The following PCNX1 variants were observed in gnomAD, a reference collection of about 807,000 sequenced individuals.
The protein encoded by PCNX1 is pecanex 1.
A neutral mutation model predicts 242.2 loss-of-function variants in PCNX1; 78 were observed. The ratio of observed to expected loss-of-function variants is 0.32; its 90% CI spans 0.27 to 0.39. The LOEUF is 0.39. PCNX1 is among the 10% of genes least tolerant of loss of function. PCNX1 has a pLI of 1.00. For missense variants in PCNX1, 2,581 were observed against 2,856.5 expected (o/e 0.90, Z 2.20); for synonymous variants, 1,024 against 1,032.9 (o/e 0.99, Z 0.17).
At chr14:71,028,626 G>A (rs938369882) in intron 15 of PCNX1, 74 bp from the exon 16 acceptor site, 3 of 823,436 alleles carry the variant, frequency 3.6e-6, no homozygotes, top group African/African-American at 3.6e-5. Context: ...TATTTTAAAT[G>A]CTTTTCAGTG....
chr14:70,950,819 A>G (rs984054884), intron 2 of PCNX1, among the ~76,000 whole-genome samples: 4 of 150,982 alleles, frequency 2.6e-5, no homozygotes, highest in Middle Eastern at 3.4e-3. Flanking sequence ...TTTTTTTGCT[A>G]TTGATTTTGG....
At chr14:71,068,707 ATATG>A (rs1324679043) in intron 26 of PCNX1, among the ~76,000 whole-genome samples, 1 of 136,798 alleles carries the variant, frequency 7.3e-6, no homozygotes, top group African/African-American at 2.9e-5. Context: ...ATACATGCAT[ATATG>A]TATGTATATA....
intron 8 of PCNX1, among the ~76,000 whole-genome samples, chr14:70,997,795 A>G (rs1287956892): frequency 6.6e-6 from 1 of 152,196 alleles, no homozygotes; most frequent in Non-Finnish European, 1.5e-5. Flanking sequence ...ACTTAAAGGA[A>G]TTGGTAGAGA....
At chr14:71,035,363 T>TA (rs1833578145) in intron 18 of PCNX1, among the ~76,000 whole-genome samples, 2 of 152,248 alleles carry the variant, frequency 1.3e-5, no homozygotes, top group African/African-American at 2.4e-5. Flanking sequence ...CAGAACTAGA[T>TA]ACGTTGTTCA....
rs369773172 is a variant in PCNX1, at chr14:71,098,681, A to G, written c.5590-3309A>G. On this transcript the variant is annotated intron_variant, in intron 30 of 35. Transcript: ENST00000304743. ...ATTTTGTATGCTGAAACTTGAAGTC[A>G]TTTATCAGTTCCAGGAGCTTTTTGG... Among the ~76,000 whole-genome samples, 539 of 152,234 alleles carry G rather than the reference A, an allele frequency of 3.5e-3. 1 individual carries two copies. The highest frequency in any genetic ancestry group is 0.013 in the African/African-American group (522 of 41,528).
Position 71,102,177 on chromosome 14 carries a change from T to C in PCNX1, c.5777T>C (p.Ile1926Thr). 1 of 1,614,010 alleles carries C rather than the reference T, an allele frequency of 6.2e-7. No individual in the cohort carries two copies. The highest frequency in any genetic ancestry group is 2.2e-5 in the East Asian group (1 of 44,884). ...VMDDGTNEYK[I>T]IMLNRRYLSF... ...GATGATGGCACCAATGAATATAAAA[T>C]CATCATGCTCAACAGACGCTACCTG... The change falls in exon 31 of 36, where the codon ATC becomes ACC. Residue 1926 changes from isoleucine (I) to threonine (T), a missense_variant. Ile to Thr is a moderately conservative substitution (Grantham distance 89). This residue lies in a region of PCNX1 where 298 missense variants were observed against 480.1 expected (regional missense o/e 0.62). Transcript: ENST00000304743.
At chr14:70,955,812 A>T (rs1443059840) in intron 2 of PCNX1, among the ~76,000 whole-genome samples, 1 of 152,178 alleles carries the variant, frequency 6.6e-6, no homozygotes, top group African/African-American at 2.4e-5. Context: ...TAAGAGTTTT[A>T]CTTCTGAATT....
At position 71,033,448 on chromosome 14, in the gene PCNX1, A is replaced by G. The variant is rs752636274; in HGVS notation, c.3578A>G (p.His1193Arg). The G allele has an allele frequency of 1.4e-5, 22 of 1,599,304 alleles. No individual in the cohort carries two copies. In the Admixed American group the frequency reaches 3.3e-4, roughly 24 times the overall value. Residue 1193 changes from histidine (H) to arginine (R), a missense_variant, in exon 17 of 36, where the codon CAT becomes CGT. By Grantham distance (29) the His-to-Arg change is conservative. Transcript: ENST00000304743. ...CCGCAGGATTCTTGGGATGGCCAGC[A>G]TATTCCAGTACTTTTCTCCATTTTT... ...GALKDSWDGQ[H>R]IPVLFSIFCG...
At chr14:71,090,912 C>G (rs61990452) in intron 30 of PCNX1, among the ~76,000 whole-genome samples, 2,157 of 152,298 alleles carry the variant, frequency 0.014, 24 homozygotes, top group Middle Eastern at 0.034. Context: ...CCTGTTGCTG[C>G]CAGGTCTCTT....
chr14:71,010,327 C>T lies in PCNX1; in HGVS notation c.2720+603C>T, dbSNP rs562936070. ...GACTTACTCTTCATGTAAGTTCTTA[C>T]ATAACTAAGTTCAAACCTATTGGTT... On this transcript the variant is annotated intron_variant, in intron 9 of 35. Coordinates refer to ENST00000304743, the MANE Select transcript of PCNX1 (RefSeq NM_014982.3). 1.1e-4 allele frequency among the ~76,000 whole-genome samples: 17 copies of T among 152,142 alleles called. No homozygotes were observed. The South Asian group carries it at 3.3e-3, about 30-fold the overall frequency.
At chr14:70,922,050 C>G (rs1057286417) in intron 1 of PCNX1, among the ~76,000 whole-genome samples, 7 of 152,114 alleles carry the variant, frequency 4.6e-5, no homozygotes, top group African/African-American at 1.7e-4. Context: ...TTATTTCCTA[C>G]TTAGGTTTTA....
intron 7 of PCNX1, among the ~76,000 whole-genome samples, chr14:70,994,423 A>ATG (rs1316686772): frequency 2.0e-5 from 2 of 98,534 alleles, no homozygotes; most frequent in African/African-American, 7.5e-5. Context: ...ATATATATAT[A>ATG]TATATATGTA....
In PCNX1 at chr14:71,102,076, C is replaced by T. The variant is rs371968177; in HGVS notation, c.5676C>T (p.Ala1892=). 1 of 1,613,714 alleles carries T rather than the reference C, an allele frequency of 6.2e-7. No individual in the cohort carries two copies. The highest frequency in any genetic ancestry group is 1.3e-5 in the African/African-American group (1 of 74,882). The change falls in exon 31 of 36, where the codon GCC becomes GCT. Residue 1892 remains alanine, a synonymous_variant. Coordinates refer to ENST00000304743, the MANE Select transcript of PCNX1 (RefSeq NM_014982.3). ...CTCATGAGAAGAACCTCGTAATAGC[C>T]CATGAAGGGGACCCTGCATGGCGGA... ...IVSHEKNLVI[A]HEGDPAWRSA...
intron 5 of PCNX1, among the ~76,000 whole-genome samples, chr14:70,973,252 CAAA>C (rs71448337): frequency 1.5e-4 from 12 of 80,388 alleles, no homozygotes; most frequent in Admixed American, 1.5e-4. Context: ...CACTCTGTCT[CAAA>C]AAAAAAAAAA....
intron 21 of PCNX1, among the ~76,000 whole-genome samples, chr14:71,047,537 C>A (rs2060898614): frequency 6.6e-6 from 1 of 151,956 alleles, no homozygotes; most frequent in Non-Finnish European, 1.5e-5. Context: ...TATTGAGAAA[C>A]TAGAGAATCA....
At chr14:71,011,403 G>C in intron 9 of PCNX1, 89 bp from the exon 10 acceptor site, 3 of 767,278 alleles carry the variant, frequency 3.9e-6, no homozygotes, top group Non-Finnish European at 6.8e-6. Flanking sequence ...ACATGGAAAA[G>C]TGAAGATATG....
chr14:71,028,925 CATT>C (rs2140897979), intron 16 of PCNX1, 134 bp downstream of exon 16: 2 of 512,626 alleles, frequency 3.9e-6, no homozygotes, highest in South Asian at 7.1e-5. Context: ...ATATGTTAAA[CATT>C]ATTCTCATTC....
chr14:70,957,333 A>C (rs932717728), intron 2 of PCNX1, among the ~76,000 whole-genome samples: 1 of 152,196 alleles, frequency 6.6e-6, no homozygotes, highest in Non-Finnish European at 1.5e-5. Flanking sequence ...GATTGTAATA[A>C]TTTGGACTTG....
chr14:70,958,898 CTTTTT>C (rs56362741), intron 2 of PCNX1, among the ~76,000 whole-genome samples: 19 of 66,400 alleles, frequency 2.9e-4, no homozygotes, highest in East Asian at 1.2e-3. Context: ...TTTGGGGTTG[CTTTTT>C]TTTTTTTTTT....
Sources: gnomAD v4.1 joint callset for allele counts (sites outside exome capture counted in the v4.1 genomes callset) on GRCh38, gnomAD v4.1.1 for gene constraint, gnomAD v4.1.1 regional missense constraint, MANE v1.5 for transcripts, NCBI Gene and HGNC (gene_info 2026-07-23, HGNC 2026-07-21) for gene names.